The following FAM83A variants were observed in gnomAD, a reference collection of about 807,000 sequenced individuals.
FAM83A encodes the protein scaffolding CK1 anchoring protein A, also known as protein FAM83A.
A neutral mutation model predicts 24.4 loss-of-function variants in FAM83A; 21 were observed. The observed-to-expected ratio is 0.86, with a 90% CI of 0.61 to 1.24. FAM83A has a LOEUF of 1.24. FAM83A is among the 50% of genes most tolerant of loss of function. The pLI is 0.00. For synonymous variants in FAM83A, 270 were observed against 252.4 expected, an observed-to-expected ratio of 1.07 and a Z score of -0.66; for missense variants, 617 against 579.8, an observed-to-expected ratio of 1.06 and a Z score of -0.66.
chr8:123,184,463 C>G (rs897104726), intron 1 of FAM83A, among the ~76,000 whole-genome samples: 1 of 152,088 alleles, frequency 6.6e-6, no homozygotes, highest in Non-Finnish European at 1.5e-5. Context: ...TTTCTCTCTC[C>G]CCAGAATATT....
exon 4 of FAM83A, chr8:123,208,349 T>A: frequency 1.0e-6 from 1 of 985,180 alleles, no homozygotes; most frequent in Non-Finnish European, 1.2e-6. Context: ...GAGTTTGGGG[T>A]GTTGGGTTGG....
intron 3 of FAM83A, among the ~76,000 whole-genome samples, chr8:123,198,099 C>G (rs1824222659): frequency 6.6e-6 from 1 of 151,946 alleles, no homozygotes; most frequent in Admixed American, 6.6e-5. Context: ...CCACTGCACT[C>G]CAGCCTGGGT....
At chr8:123,195,526 A>C (rs2131083607) in intron 3 of FAM83A, among the ~76,000 whole-genome samples, 1 of 152,314 alleles carries the variant, frequency 6.6e-6, no homozygotes, top group South Asian at 2.1e-4. Flanking sequence ...CCTTGGGCTT[A>C]AATTTGTACA....
At chr8:123,197,370 G>T (rs1824192552) in intron 3 of FAM83A, among the ~76,000 whole-genome samples, 1 of 152,120 alleles carries the variant, frequency 6.6e-6, no homozygotes, top group Admixed American at 6.6e-5. Context: ...TAGCACCGAG[G>T]GTCCCCATGT....
chr8:123,185,591 G>T lies in FAM83A; in HGVS notation c.480+2255G>T, dbSNP rs1823765864. The stretch of plus-strand genomic sequence containing the variant: ...TAGAACTTCCAGCTCCTCTTAGCAG[G>T]TGGGCTCTGCTGGCATGGAGTTTGG... On this transcript the variant is annotated intron_variant, in intron 1 of 3. Coordinates refer to ENST00000690554, the Ensembl canonical transcript of FAM83A. Among the ~76,000 whole-genome samples the T allele has an allele frequency of 2.0e-5, 3 of 152,176 alleles. No individual in the cohort carries two copies. The South Asian group carries it at 6.2e-4, about 32-fold the overall frequency.
At chr8:123,207,547 G>A in exon 4 of FAM83A, 1 of 1,546,590 alleles carries the variant, frequency 6.5e-7, no homozygotes. Flanking sequence ...TCTCCCCGCG[G>A]CCCCACGACG....
rs536917334 is a variant in FAM83A at position 123,194,267 on chromosome 8, C to T, written c.773+119C>T. On this transcript the variant is annotated intron_variant, in intron 3 of 3. Coordinates refer to ENST00000690554, the Ensembl canonical transcript of FAM83A. The stretch of plus-strand genomic sequence containing the variant: ...CCAGCAGCTCCCAGAAGGTCTCCCT[C>T]TGCCCGGAGCTGGAGCTGCATCACA... 1.9e-5 allele frequency: 26 copies of T among 1,390,162 alleles called. 1 individual carries two copies. The highest frequency in any genetic ancestry group is 2.6e-4 in the Middle Eastern group (1 of 3,822). The allele number at this position is 1,390,162 out of a possible 1,614,324, so 86.1% of individuals were successfully genotyped here. A position where few individuals can be genotyped will look rare whatever the true frequency, so the allele number is the denominator to read the frequency against.
chr8:123,182,501 G>A (rs1158948667), upstream of FAM83A: 26 of 481,942 alleles, frequency 5.4e-5, 1 homozygote, highest in Admixed American at 1.2e-4. Flanking sequence ...GGAGAGTTGC[G>A]AAACCCAGCA....
chr8:123,182,337 CT>C (rs1823622461), upstream of FAM83A: 3 of 353,788 alleles, frequency 8.5e-6, no homozygotes, highest in Non-Finnish European at 1.7e-5. Context: ...GGGATGGCAT[CT>C]TTCCCCCCCA....
At chr8:123,199,837 T>C (rs1586785747) in intron 3 of FAM83A, 1 of 154,134 alleles carries the variant, frequency 6.5e-6, no homozygotes, top group African/African-American at 2.4e-5. Context: ...CCTTCCTGTG[T>C]GTTATCCTTC....
upstream of FAM83A, among the ~76,000 whole-genome samples, chr8:123,180,895 A>G (rs943460147): frequency 1.3e-5 from 2 of 149,376 alleles, no homozygotes; most frequent in African/African-American, 4.9e-5. Flanking sequence ...CGATGTTCCA[A>G]AAAAAAAAAG....
At position 123,209,360 on chromosome 8, in the gene FAM83A, GTTTC is replaced by G. The variant is rs1407097715; in HGVS notation, c.*1676_*1679del. On this transcript the variant is annotated 3_prime_UTR_variant, in exon 4 of 4. Transcript: ENST00000690554. This position sits in a 1 kb window ranked among gnomAD's most constrained non-coding sequence, Gnocchi z 4.7. ...ATGATCTGGGGCATCTTGGCTTCTG[GTTTC>G]TTTTATTATTATTATTATTATTAAT... The G allele has an allele frequency of 5.0e-5, 73 of 1,462,374 alleles. 1 individual carries two copies. Among genetic ancestry groups the G allele is most frequent in the Non-Finnish European group, 5.7e-5 (63 of 1,111,196 alleles). 90.6% of individuals were successfully genotyped at this position (1,462,374 alleles called of 1,614,324 possible).
At chr8:123,207,071 TCTTCCTCCCCTCCCCCTCCTCCTCCA>T in intron 3 of FAM83A, 60 bp from the exon 4 acceptor site, 1 of 157,782 alleles carries the variant, frequency 6.3e-6, no homozygotes, top group Non-Finnish European at 1.3e-5. Flanking sequence ...CCTCCCTCCC[TCTTCCTCCCCTCCCCCTCCTCCTCCA>T]CTTCCCCTCC....
intron 3 of FAM83A, among the ~76,000 whole-genome samples, chr8:123,196,466 G>A (rs1432480245): frequency 1.3e-5 from 2 of 152,142 alleles, no homozygotes; most frequent in African/African-American, 4.8e-5. Flanking sequence ...GCAGTTGAAT[G>A]GAGAGGTTTT....
In FAM83A at chr8:123,182,864, G is replaced by A. The variant is rs539364167; in HGVS notation, c.8G>A (p.Arg3Gln). The A allele has an allele frequency of 2.7e-4, 415 of 1,521,694 alleles. 6 individuals are homozygous for A. The South Asian group carries it at 4.6e-3, about 17-fold the overall frequency. 94.3% of individuals were successfully genotyped at this position (1,521,694 alleles called of 1,614,324 possible). ...CACCCAGGGACGGGAGGCATGAGCC[G>A]GTCAAGGCACCTGGGCAAAATCCGG... is the stretch of plus-strand genomic sequence containing the variant. The change falls in exon 1 of 4, where the codon CGG (arginine) becomes CAG (glutamine). Residue 3 changes from arginine (R) to glutamine (Q), a missense_variant. Transcript: ENST00000690554.
exon 4 of FAM83A, chr8:123,208,074 G>A (rs1824625581): frequency 1.9e-6 from 2 of 1,034,154 alleles, no homozygotes; most frequent in Non-Finnish European, 2.3e-6. Flanking sequence ...GGCACTGAGA[G>A]ATAGATGGTA....
chr8:123,184,588 G>A (rs1244362608), intron 1 of FAM83A, among the ~76,000 whole-genome samples: 1 of 152,142 alleles, frequency 6.6e-6, no homozygotes, highest in Non-Finnish European at 1.5e-5. Flanking sequence ...AATGCCCCGA[G>A]ATCTCCACCC....
chr8:123,207,797 A>T, exon 4 of FAM83A: 1 of 1,399,640 alleles, frequency 7.1e-7, no homozygotes, highest in Non-Finnish European at 9.2e-7. Context: ...TTGAAAAGAC[A>T]CTCAAAATCA....
In FAM83A at chr8:123,182,726, G is replaced by A. The variant is rs750359761; in HGVS notation, c.-131G>A. ...ATCACTTCTTGGAGGTGCCCTGCAC[G>A]CCGGTCCTGGGAGCAGGCGGCCTCC... On this transcript the variant is annotated 5_prime_UTR_variant, in exon 1 of 4. Coordinates refer to ENST00000690554, the Ensembl canonical transcript of FAM83A. 55 of 1,356,906 alleles carry A rather than the reference G, an allele frequency of 4.1e-5. No individual in the cohort carries two copies. The Middle Eastern group carries it at 5.4e-4, about 13-fold the overall frequency. 84.1% of individuals were successfully genotyped at this position (1,356,906 alleles called of 1,614,324 possible). A position where few individuals can be genotyped will look rare whatever the true frequency, so the allele number is the denominator to read the frequency against.
Sources: allele counts gnomAD v4.1 joint callset (sites outside exome capture counted in the v4.1 genomes callset), GRCh38; gene constraint gnomAD v4.1.1; non-coding constraint Gnocchi (gnomAD v3.1); transcripts MANE v1.5; gene names NCBI Gene and HGNC (gene_info 2026-07-23, HGNC 2026-07-21).